LYST: variants seen among roughly 807,000 people sequenced by gnomAD.
The protein encoded by LYST is lysosomal-trafficking regulator.
In LYST, 192 loss-of-function variants were observed where a neutral mutation model predicts 413.6. That is an observed-to-expected ratio of 0.46 (90% CI 0.41 to 0.52). The LOEUF is 0.52. Among genes scored for constraint, LYST ranks in the 20% least tolerant of loss-of-function variants. LYST has a pLI of 0.00. For synonymous variants in LYST, 1,525 were observed against 1,567.3 expected, an observed-to-expected ratio of 0.97 and a Z score of 0.64; for missense variants, 3,815 against 4,499.9, an observed-to-expected ratio of 0.85 and a Z score of 4.35.
chr1:235,672,454 C>G (rs746450195), intron 50 of LYST, among the ~76,000 whole-genome samples: 1 of 152,060 alleles, frequency 6.6e-6, no homozygotes, highest in African/African-American at 2.4e-5. Flanking sequence ...ATTCTGAAAG[C>G]CACCAGAAGA....
chr1:235,676,215 C>T (rs756295943), intron 50 of LYST, among the ~76,000 whole-genome samples: 5 of 152,156 alleles, frequency 3.3e-5, no homozygotes, highest in Admixed American at 2.6e-4. Context: ...TATACTATTG[C>T]TCTCTGTCTG....
intron 2 of LYST, 49 bp downstream of exon 2, chr1:235,833,529 G>T: frequency 2.7e-6 from 1 of 365,564 alleles, no homozygotes; most frequent in Non-Finnish European, 3.8e-6. Context: ...GTAGTTTCAA[G>T]CCTTCAAAAT....
intron 1 of LYST, among the ~76,000 whole-genome samples, chr1:235,838,634 TCTA>T (rs1170451156): frequency 6.6e-6 from 1 of 152,222 alleles, no homozygotes; most frequent in African/African-American, 2.4e-5. Context: ...TCCACAGGCT[TCTA>T]CAAGTTTTCA....
At chr1:235,878,744 T>G (rs775621917) in intron 1 of LYST, among the ~76,000 whole-genome samples, 1 of 152,232 alleles carries the variant, frequency 6.6e-6, no homozygotes, top group Non-Finnish European at 1.5e-5. Context: ...AAGGGTTTCC[T>G]GATGGGATAC....
chr1:235,734,539 T>C lies in LYST; in HGVS notation c.8479A>G (p.Lys2827Glu). The C allele has an allele frequency of 6.2e-7, 1 of 1,613,756 alleles. No homozygotes were observed. Among genetic ancestry groups the C allele is most frequent in the Non-Finnish European group, 8.5e-7 (1 of 1,179,678 alleles). The part of the protein sequence containing the change: ...LMNALKLCGH[K>E]CIPPSASTKA... ...GTTGATGCACTGGGAGGGATGCACT[T>C]GTGACCACATAACTTCAAAGCATTC... Residue 2827 changes from lysine (K) to glutamate (E), a missense_variant, in exon 32 of 53, where the codon AAG (lysine) becomes GAG (glutamate). Coordinates refer to ENST00000389793, the MANE Select transcript of LYST (RefSeq NM_000081.4).
intron 25 of LYST, among the ~76,000 whole-genome samples, chr1:235,753,495 A>C (rs1666696441): frequency 6.6e-6 from 1 of 152,216 alleles, no homozygotes; most frequent in African/African-American, 2.4e-5. Flanking sequence ...CAAACATTCA[A>C]GTGAAATATG....
intron 16 of LYST, among the ~76,000 whole-genome samples, chr1:235,779,034 T>C (rs1469601137): frequency 6.6e-6 from 1 of 151,258 alleles, no homozygotes; most frequent in Non-Finnish European, 1.5e-5. Flanking sequence ...GCCTGGCTAG[T>C]TTTTGTATTT....
intron 19 of LYST, 22 bp downstream of exon 19, chr1:235,773,819 GA>G (rs757722584): frequency 9.4e-6 from 15 of 1,603,268 alleles, no homozygotes; most frequent in African/African-American, 8.0e-5. Context: ...ATAAAAAATG[GA>G]AAAAAAGTAC....
chr1:235,768,211 T>C (rs899625004), intron 20 of LYST, among the ~76,000 whole-genome samples: 2 of 152,204 alleles, frequency 1.3e-5, no homozygotes, highest in Middle Eastern at 3.4e-3. Context: ...TTTTTTCTTA[T>C]GAAATTATTG....
intron 12 of LYST, among the ~76,000 whole-genome samples, chr1:235,790,171 A>G (rs905235268): frequency 5.9e-5 from 9 of 152,200 alleles, no homozygotes; most frequent in African/African-American, 2.2e-4. Flanking sequence ...GTCACTATGT[A>G]TATTTATTCA....
At chr1:235,669,464 C>G (rs1408681871) in intron 50 of LYST, among the ~76,000 whole-genome samples, 1 of 152,238 alleles carries the variant, frequency 6.6e-6, no homozygotes, top group African/African-American at 2.4e-5. Flanking sequence ...TGCAACCAAT[C>G]AAACTGATTG....
At chr1:235,705,394 A>T (rs1158841003) in intron 44 of LYST, among the ~76,000 whole-genome samples, 3 of 151,900 alleles carry the variant, frequency 2.0e-5, no homozygotes, top group African/African-American at 7.3e-5. Flanking sequence ...TTTTTTTTAA[A>T]AAAAAAATTG....
At position 235,806,521 on chromosome 1, in the gene LYST, C is replaced by T. The variant is rs756437751; in HGVS notation, c.2615G>A (p.Ser872Asn). The T allele has an allele frequency of 1.2e-6, 2 of 1,614,062 alleles. No homozygotes were observed. The highest frequency in any genetic ancestry group is 1.1e-5 in the South Asian group (1 of 91,076). Residue 872 changes from serine to asparagine, a missense_variant, in exon 6 of 53, where the codon AGC becomes AAC. Ser to Asn is a conservative substitution (Grantham distance 46). This residue lies in a region of LYST where 1,648 missense variants were observed against 1,810.3 expected (regional missense o/e 0.91). Transcript: ENST00000389793. ...TTCTTTGAGGCCAGCATAAAATTTG[C>T]TGAGACTCTGAGGAGAATCTGAATA... is the stretch of plus-strand genomic sequence containing the variant. ...QAYSDSPQSL[S>N]KFYAGLKEAY... is the part of the protein sequence containing the mutation.
chr1:235,817,763 C>A (rs908512753), intron 3 of LYST, among the ~76,000 whole-genome samples: 1 of 152,006 alleles, frequency 6.6e-6, no homozygotes, highest in African/African-American at 2.4e-5. Context: ...GATTGGGTAC[C>A]ATGCTTATTA....
At chr1:235,663,839 G>C in intron 52 of LYST, 145 bp downstream of exon 52, 1 of 720,180 alleles carries the variant, frequency 1.4e-6, no homozygotes, top group South Asian at 1.6e-5. Context: ...GCTGGGTCAC[G>C]GACAACCCGC....
chr1:235,733,847 A>T lies in LYST; in HGVS notation c.8595T>A (p.Val2865=). 1 of 1,602,288 alleles carries T rather than the reference A, an allele frequency of 6.2e-7. No homozygotes were observed. The highest frequency in any genetic ancestry group is 8.6e-7 in the Non-Finnish European group (1 of 1,169,390). ...GVNKAAWQKT[V]NNNQQSLFQR... ...AATCTTACCTTTGTTGATTATTGTT[A>T]ACTGTTTTCTGCCAAGCAGCTTTAT... Residue 2865 remains valine (V), a synonymous_variant, in exon 33 of 53, where the codon GTT becomes GTA. Coordinates refer to ENST00000389793, the MANE Select transcript of LYST (RefSeq NM_000081.4).
chr1:235,846,965 T>C (rs1051954285), intron 1 of LYST, among the ~76,000 whole-genome samples: 6 of 152,108 alleles, frequency 3.9e-5, no homozygotes, highest in Admixed American at 6.5e-5. Flanking sequence ...GGGTGGATAA[T>C]TGAGGAAAAC....
chr1:235,803,061 G>T lies in LYST; in HGVS notation c.3559C>A (p.His1187Asn). The T allele has an allele frequency of 1.2e-6, 2 of 1,610,534 alleles. No individual in the cohort carries two copies. Among genetic ancestry groups the T allele is most frequent in the South Asian group, 2.2e-5 (2 of 91,004 alleles). The change falls in exon 8 of 53, where the codon CAT becomes AAT. Residue 1187 changes from histidine (H) to asparagine (N), a missense_variant. This residue lies in a region of LYST where 1,648 missense variants were observed against 1,810.3 expected (regional missense o/e 0.91). Coordinates refer to ENST00000389793, the MANE Select transcript of LYST (RefSeq NM_000081.4). ...EHNDAMTEKS[H>N]QSAEELSSQP... The stretch of plus-strand genomic sequence containing the variant: ...GATGACAATTCTTCTGCAGATTGAT[G>T]ACTCTATAAATCAGTGTAATTCAAA...
At chr1:235,703,919 C>T (rs562472880) in intron 44 of LYST, among the ~76,000 whole-genome samples, 33 of 115,606 alleles carry the variant, frequency 2.9e-4, no homozygotes, top group African/African-American at 1.4e-3. Flanking sequence ...CTATCCCTCA[C>T]CCTAAAATAG....
Sources: gnomAD v4.1 joint callset for allele counts (sites outside exome capture counted in the v4.1 genomes callset) on GRCh38, gnomAD v4.1.1 for gene constraint, gnomAD v4.1.1 regional missense constraint, MANE v1.5 for transcripts, NCBI Gene and HGNC (gene_info 2026-07-23, HGNC 2026-07-21) for gene names.